Variants in EXOC2 observed in about 807,000 individuals in gnomAD.
EXOC2 encodes the protein exocyst complex component 2, also known as SEC5-like 1.
EXOC2 carries 70 observed loss-of-function variants against 131.8 expected under a neutral mutation model. The ratio of observed to expected loss-of-function variants is 0.53; its 90% CI spans 0.44 to 0.65. EXOC2 has a LOEUF of 0.65. Ranked by LOEUF, EXOC2 falls within the 30% of genes least tolerant of loss-of-function variation. The pLI, the probability that EXOC2 is intolerant of heterozygous loss-of-function variation, is 0.00. For missense variants in EXOC2, 923 were observed against 1,108.6 expected (o/e 0.83, Z 2.38); for synonymous variants, 411 against 398.4 (o/e 1.03, Z -0.38).
intron 13 of EXOC2, among the ~76,000 whole-genome samples, chr6:568,416 A>G (rs919793557): frequency 2.0e-5 from 3 of 152,226 alleles, no homozygotes; most frequent in African/African-American, 7.2e-5. Context: ...GCCGGCTGGC[A>G]TTCAAACTGG....
At chr6:653,546 A>C (rs1003576194) in intron 1 of EXOC2, among the ~76,000 whole-genome samples, 1 of 152,246 alleles carries the variant, frequency 6.6e-6, no homozygotes, top group African/African-American at 2.4e-5. Context: ...CTTCAATGCT[A>C]TGAAGGCTTA....
intron 27 of EXOC2, among the ~76,000 whole-genome samples, chr6:487,463 G>A (rs544229068): frequency 2.6e-5 from 4 of 152,206 alleles, no homozygotes; most frequent in East Asian, 3.9e-4. Flanking sequence ...CTGGAGTGCA[G>A]TGGCGCGATT....
intron 23 of EXOC2, among the ~76,000 whole-genome samples, chr6:519,131 G>A (rs1344178625): frequency 2.4e-5 from 3 of 122,468 alleles, no homozygotes; most frequent in Admixed American, 8.0e-5. Flanking sequence ...ACCACCCACC[G>A]AGCGCCGACA....
intron 17 of EXOC2, among the ~76,000 whole-genome samples, chr6:557,519 G>A (rs1757478211): frequency 6.7e-6 from 1 of 149,414 alleles, no homozygotes. Flanking sequence ...TCGGGAGGCT[G>A]AGACAGGAGA....
rs140045236 is a variant in EXOC2 at position 580,635 on chromosome 6, A to C, written c.1193-3753T>G. Among the ~76,000 whole-genome samples, 279 of 152,288 alleles carry C rather than the reference A, an allele frequency of 1.8e-3. 1 individual carries two copies. The highest frequency in any genetic ancestry group is 3.8e-3 in the African/African-American group (157 of 41,560). ...AAGTTTGAAATTGAGGCAGGGACTA[A>C]TTTTATGAAGAATTTCCATGGCCAT... On this transcript the variant is annotated intron_variant, in intron 11 of 27. Coordinates refer to ENST00000230449, the MANE Select transcript of EXOC2 (RefSeq NM_018303.6).
chr6:682,490 G>A (rs558599648), intron 1 of EXOC2, among the ~76,000 whole-genome samples: 4 of 152,160 alleles, frequency 2.6e-5, no homozygotes, highest in East Asian at 1.9e-4. Context: ...GTGAGCCACC[G>A]CGCCCGGCCC....
intron 26 of EXOC2, 102 bp from the exon 27 acceptor site, chr6:489,140 T>C: frequency 9.3e-7 from 1 of 1,078,540 alleles, no homozygotes. Flanking sequence ...TAAAAGCCAG[T>C]GAAGCAAGGA....
At chr6:502,863 T>C (rs1764309055) in intron 23 of EXOC2, among the ~76,000 whole-genome samples, 1 of 152,228 alleles carries the variant, frequency 6.6e-6, no homozygotes, top group Admixed American at 6.5e-5. Flanking sequence ...AACTGCTTCA[T>C]ACAAATAACT....
chr6:610,764 A>G (rs908837156), intron 6 of EXOC2, among the ~76,000 whole-genome samples: 4 of 152,210 alleles, frequency 2.6e-5, no homozygotes, highest in African/African-American at 9.6e-5. Context: ...GCTAATATCT[A>G]TCTCTCTGCT....
rs183827736 is a variant in EXOC2 at position 501,780 on chromosome 6, T to C, written c.2381-2080A>G. ...AAAACAGTGTGCTTATTAAGTCTAT[T>C]TTGCTGAGATGGCTGAGTGAAGAGT... On this transcript the variant is annotated intron_variant, in intron 23 of 27. Transcript: ENST00000230449. 9.8e-3 allele frequency among the ~76,000 whole-genome samples: 1,460 copies of C among 148,272 alleles called. 13 individuals are homozygous for C. Among genetic ancestry groups the C allele is most frequent in the Middle Eastern group, 0.028 (8 of 286 alleles).
chr6:568,385 T>C (rs1018124756), intron 13 of EXOC2, among the ~76,000 whole-genome samples: 3 of 152,194 alleles, frequency 2.0e-5, no homozygotes, highest in Admixed American at 6.6e-5. Flanking sequence ...AACCGAAACA[T>C]GTGCTCTCCT....
At chr6:687,914 C>G (rs10223439) in intron 1 of EXOC2, among the ~76,000 whole-genome samples, 21,777 of 152,176 alleles carry the variant, frequency 0.14, 1,725 homozygotes, top group African/African-American at 0.21. Context: ...TTACTTTATT[C>G]TTGTCTGTCT....
intron 22 of EXOC2, among the ~76,000 whole-genome samples, chr6:538,897 C>A (rs1330941805): frequency 2.0e-5 from 3 of 151,942 alleles, no homozygotes; most frequent in Admixed American, 2.0e-4. Flanking sequence ...GATGGTGAAA[C>A]CCTGTCTCTA....
At chr6:610,280 T>C in intron 6 of EXOC2, 102 bp from the exon 7 acceptor site, 1 of 1,020,332 alleles carries the variant, frequency 9.8e-7, no homozygotes, top group East Asian at 2.6e-5. Flanking sequence ...GGTCATATTA[T>C]TTTCACTGCT....
chr6:633,382 G>C (rs6911663), intron 2 of EXOC2, among the ~76,000 whole-genome samples: 102,413 of 152,058 alleles, frequency 0.67, 34,939 homozygotes, highest in Middle Eastern at 0.83. Context: ...CAACTATGTT[G>C]CAGGAATTCC....
chr6:565,054 A>G (rs1037953691), intron 13 of EXOC2, 125 bp from the exon 14 acceptor site: 4 of 664,064 alleles, frequency 6.0e-6, no homozygotes, highest in Admixed American at 3.6e-5. Flanking sequence ...AATGCTTAAG[A>G]CATAATCTAT....
At chr6:494,690 T>C (rs2127472867) in intron 25 of EXOC2, among the ~76,000 whole-genome samples, 2 of 152,302 alleles carry the variant, frequency 1.3e-5, no homozygotes, top group Middle Eastern at 3.4e-3. Flanking sequence ...ATGAAAACTA[T>C]ACAGTATACG....
At chr6:564,498 A>T (rs774285697) in intron 15 of EXOC2, 47 bp downstream of exon 15, 2 of 1,599,282 alleles carry the variant, frequency 1.3e-6, no homozygotes, top group Non-Finnish European at 8.5e-7. Flanking sequence ...CCAAAAAGTT[A>T]AAAAAAACAG....
At chr6:627,651 C>T (rs918948634) in intron 4 of EXOC2, among the ~76,000 whole-genome samples, 1 of 152,044 alleles carries the variant, frequency 6.6e-6, no homozygotes, top group African/African-American at 2.4e-5. Context: ...TTGCATCTTT[C>T]GGCATTTCTC....
Sources: gnomAD v4.1 joint callset for allele counts (sites outside exome capture counted in the v4.1 genomes callset) on GRCh38, gnomAD v4.1.1 for gene constraint, MANE v1.5 for transcripts, NCBI Gene and HGNC (gene_info 2026-07-23, HGNC 2026-07-21) for gene names.